Variants in NFASC observed in about 807,000 individuals in gnomAD.
NFASC encodes the protein neurofascin.
In NFASC, 43 loss-of-function variants were observed where a neutral mutation model predicts 147.5. That is an observed-to-expected ratio of 0.29 (90% CI 0.23 to 0.38). The LOEUF (loss-of-function observed/expected upper bound fraction) is 0.38, where lower values mean the gene tolerates loss of function less well. Ranked by LOEUF, NFASC falls within the 10% of genes least tolerant of loss-of-function variation. The pLI is 1.00. For missense variants in NFASC, 1,320 were observed against 1,689.0 expected (o/e 0.78, Z 3.83); for synonymous variants, 622 against 665.5 (o/e 0.93, Z 1.01).
chr1:204,907,526 TG>T (rs1456084802), intron 1 of NFASC, among the ~76,000 whole-genome samples: 1 of 152,202 alleles, frequency 6.6e-6, no homozygotes, highest in Non-Finnish European at 1.5e-5. Flanking sequence ...TGTTCGACCC[TG>T]GGTTTCCCAG....
intron 27 of NFASC, among the ~76,000 whole-genome samples, chr1:205,006,314 C>T (rs1021380409): frequency 1.3e-5 from 2 of 152,192 alleles, no homozygotes; most frequent in South Asian, 2.1e-4. Flanking sequence ...AGAGATCCCC[C>T]GTTCTCAAGA....
intron 1 of NFASC, among the ~76,000 whole-genome samples, chr1:204,855,368 T>C (rs2076063249): frequency 6.6e-6 from 1 of 152,112 alleles, no homozygotes; most frequent in Non-Finnish European, 1.5e-5. Context: ...ACTGGAGTCA[T>C]TGGGGAAGGC....
chr1:205,012,061 A>AAGAT lies in NFASC; in HGVS notation c.3422-734_3422-731dup, dbSNP rs2096264139. ...ACCACTGCAAAAAAACAAACAAAAA[A>AAGAT]AGATACATAAAGAGGTTTTCATGTA... On this transcript the variant is annotated intron_variant, in intron 28 of 29. Coordinates refer to ENST00000339876, the MANE Select transcript of NFASC (RefSeq NM_001005388.3). 3.9e-5 allele frequency among the ~76,000 whole-genome samples: 6 copies of AAGAT among 152,232 alleles called. No individual in the cohort carries two copies. The South Asian group carries it at 1.2e-3, about 32-fold the overall frequency.
intron 1 of NFASC, among the ~76,000 whole-genome samples, chr1:204,872,612 T>C (rs895112722): frequency 1.3e-5 from 2 of 152,160 alleles, no homozygotes; most frequent in Non-Finnish European, 2.9e-5. Context: ...TCCTACTGGC[T>C]CTGTTGTAAC....
At chr1:205,004,578 G>A (rs1170948456) in intron 27 of NFASC, among the ~76,000 whole-genome samples, 1 of 152,196 alleles carries the variant, frequency 6.6e-6, no homozygotes, top group African/African-American at 2.4e-5. Context: ...AAACCACATA[G>A]GGAAAGGAAG....
chr1:204,967,781 T>C (rs941834781), intron 8 of NFASC: 1 of 153,858 alleles, frequency 6.5e-6, no homozygotes, highest in Admixed American at 6.5e-5. Context: ...GCACCTTGTT[T>C]TCAGGGTCCT....
rs898922411 is a variant in NFASC at position 204,975,175 on chromosome 1, C to A, written c.1559-96C>A. ...GTTTGTGCCCCACTCCATAGTTGGC[C>A]CAAGGCCTCGAGGGCAGACATATGC... On this transcript the variant is annotated intron_variant, in intron 14 of 29. Coordinates refer to ENST00000339876, the MANE Select transcript of NFASC (RefSeq NM_001005388.3). This position sits in a 1 kb window ranked among gnomAD's most constrained non-coding sequence, Gnocchi z 4.0. 278 of 1,410,102 alleles carry A rather than the reference C, an allele frequency of 2.0e-4. No homozygotes were observed. The highest frequency in any genetic ancestry group is 2.5e-4 in the Non-Finnish European group (260 of 1,036,772). 87.3% of individuals were successfully genotyped at this position (1,410,102 alleles called of 1,614,324 possible).
At chr1:204,855,361 G>T (rs908043110) in intron 1 of NFASC, among the ~76,000 whole-genome samples, 9 of 152,238 alleles carry the variant, frequency 5.9e-5, no homozygotes, top group Non-Finnish European at 1.0e-4. Context: ...ACTGTTGACT[G>T]GAGTCATTGG....
intron 2 of NFASC, among the ~76,000 whole-genome samples, chr1:204,933,527 C>T (rs2092555077): frequency 6.6e-6 from 1 of 152,150 alleles, no homozygotes; most frequent in African/African-American, 2.4e-5. Context: ...GGATCAGTGT[C>T]ACCATGGAGG....
chr1:204,881,123 A>AG (rs1452702876), intron 1 of NFASC, among the ~76,000 whole-genome samples: 2 of 152,158 alleles, frequency 1.3e-5, no homozygotes. Flanking sequence ...GATGCAGGGT[A>AG]GTGTCGCTGT....
At position 204,861,199 on chromosome 1, in the gene NFASC, C is replaced by G. The variant is rs557005966; in HGVS notation, c.-200+32417C>G. On this transcript the variant is annotated intron_variant, in intron 1 of 29. Coordinates refer to ENST00000339876, the MANE Select transcript of NFASC (RefSeq NM_001005388.3). ...GACCTCCTGGGCACAAGCAATCCTC[C>G]CACCTCAACCTCCTGAGTAACTGGG... Among the ~76,000 whole-genome samples, 54 of 151,152 alleles carry G rather than the reference C, an allele frequency of 3.6e-4. 1 individual carries two copies. In the South Asian group the frequency reaches 0.011, roughly 30 times the overall value.
intron 8 of NFASC, 40 bp downstream of exon 8, chr1:204,957,866 A>G (rs369080694): frequency 6.2e-7 from 1 of 1,600,418 alleles, no homozygotes; most frequent in South Asian, 1.1e-5. Flanking sequence ...GGGCCAAAGA[A>G]AGAAGCCCAC....
At chr1:204,924,753 G>A (rs1043518112) in intron 2 of NFASC, among the ~76,000 whole-genome samples, 3 of 152,150 alleles carry the variant, frequency 2.0e-5, no homozygotes, top group Non-Finnish European at 2.9e-5. Context: ...CACAGGCATC[G>A]TCTACACTGT....
At chr1:204,842,786 A>G (rs1461174488) in intron 1 of NFASC, among the ~76,000 whole-genome samples, 1 of 152,146 alleles carries the variant, frequency 6.6e-6, no homozygotes, top group Non-Finnish European at 1.5e-5. Flanking sequence ...TGGGGCTTTG[A>G]TGGGTTTGAC....
chr1:204,914,693 C>T (rs1378564879), intron 1 of NFASC, among the ~76,000 whole-genome samples: 1 of 152,166 alleles, frequency 6.6e-6, no homozygotes, highest in East Asian at 1.9e-4. Context: ...AATAACACAA[C>T]ATATTGGAGA....
At chr1:204,989,074 CCTT>C (rs1363832108) in intron 23 of NFASC, 2 of 513,620 alleles carry the variant, frequency 3.9e-6, no homozygotes, top group Non-Finnish European at 7.0e-6. Context: ...TATCATCTTT[CCTT>C]CTTGTAGAGG....
intron 1 of NFASC, among the ~76,000 whole-genome samples, chr1:204,873,736 T>G (rs907051359): frequency 1.5e-4 from 23 of 152,128 alleles, no homozygotes; most frequent in African/African-American, 5.6e-4. Flanking sequence ...TGGTGAGCCA[T>G]CTGGATGGGG....
rs750739668 is a variant in NFASC at position 204,927,194 on chromosome 1, C to A, written c.-91+6454C>A. ...TTTTAGGACATTTTTATCGCCACTC[C>A]CAGCCCCCGCAAGAATCTATGCCAT... On this transcript the variant is annotated intron_variant, in intron 2 of 29. Coordinates refer to ENST00000339876, the MANE Select transcript of NFASC (RefSeq NM_001005388.3). 5.3e-4 allele frequency among the ~76,000 whole-genome samples: 80 copies of A among 152,114 alleles called. 1 individual carries two copies. The highest frequency in any genetic ancestry group is 2.5e-3 in the Admixed American group (38 of 15,272).
chr1:204,993,794 C>G (rs2095792297), intron 24 of NFASC: 1 of 517,890 alleles, frequency 1.9e-6, no homozygotes, highest in East Asian at 5.5e-5. Context: ...TGGTGCTGCT[C>G]TGTTGGTAAG....
Sources: allele counts gnomAD v4.1 joint callset (sites outside exome capture counted in the v4.1 genomes callset), GRCh38; gene constraint gnomAD v4.1.1; non-coding constraint Gnocchi (gnomAD v3.1); transcripts MANE v1.5; gene names NCBI Gene and HGNC (gene_info 2026-07-23, HGNC 2026-07-21).